RBM20: variants seen among roughly 807,000 people sequenced by gnomAD.
RBM20 encodes RNA-binding protein 20.
In RBM20, 51 loss-of-function variants were observed where a neutral mutation model predicts 110.1. The ratio of observed to expected loss-of-function variants is 0.46; its 90% confidence interval spans 0.37 to 0.59. The LOEUF is 0.59. RBM20 is among the 20% of genes least tolerant of loss of function. The probability of loss-of-function intolerance (pLI) is 0.00; values close to 1 mark genes in which losing one functional copy is unlikely to be tolerated. For synonymous variants in RBM20, 589 were observed against 618.2 expected (o/e 0.95, Z 0.70); for missense variants, 1,512 against 1,574.9 (o/e 0.96, Z 0.68).
chr10:110,765,034 A>G (rs1436944588), intron 1 of RBM20, among the ~76,000 whole-genome samples: 1 of 151,936 alleles, frequency 6.6e-6, no homozygotes, highest in Admixed American at 6.5e-5. Flanking sequence ...GCAGTTTAAC[A>G]TGTGACCTAA....
chr10:110,684,394 AAAAAC>A (rs369390447), intron 1 of RBM20, among the ~76,000 whole-genome samples: 3,635 of 150,844 alleles, frequency 0.024, 120 homozygotes, highest in African/African-American at 0.077. Flanking sequence ...ACTCCATCTT[AAAAAC>A]AAAACAAAAC....
intron 9 of RBM20, 42 bp downstream of exon 9, chr10:110,812,989 T>A (rs766906878): frequency 5.3e-5 from 68 of 1,291,076 alleles, no homozygotes; most frequent in Non-Finnish European, 6.6e-5. Context: ...AGGCAGGCCC[T>A]GAAGGAGAAT....
chr10:110,758,014 C>CTTTGTTTTTTTTT (rs1843943237), intron 1 of RBM20, among the ~76,000 whole-genome samples: 1 of 79,910 alleles, frequency 1.3e-5, no homozygotes, highest in Non-Finnish European at 2.2e-5. Flanking sequence ...GATCCTTGTT[C>CTTTGTTTTTTTTT]TTTTTTTTTT....
At chr10:110,776,630 C>T (rs12573236) in intron 1 of RBM20, among the ~76,000 whole-genome samples, 45,545 of 152,056 alleles carry the variant, frequency 0.3, 7,022 homozygotes, top group East Asian at 0.45. Context: ...CTCCTGCTTC[C>T]GTCTTAGAAG....
At chr10:110,737,177 C>CAAAAAAAAAAAAA (rs550138775) in intron 1 of RBM20, among the ~76,000 whole-genome samples, 32 of 26,600 alleles carry the variant, frequency 1.2e-3, no homozygotes, top group African/African-American at 5.0e-3. Flanking sequence ...AACTCTGCCT[C>CAAAAAAAAAAAAA]AAAAAAAAAA....
chr10:110,801,575 AC>A (rs1477411844), intron 7 of RBM20, among the ~76,000 whole-genome samples: 1 of 151,932 alleles, frequency 6.6e-6, no homozygotes, highest in African/African-American at 2.4e-5. Context: ...TTGCTCTGTC[AC>A]CAGGCTGGAG....
chr10:110,790,943 G>A (rs1017104390), intron 5 of RBM20, among the ~76,000 whole-genome samples: 6 of 152,056 alleles, frequency 3.9e-5, no homozygotes, highest in East Asian at 1.9e-4. Flanking sequence ...CAATTTTAAC[G>A]TTTTGTGACT....
chr10:110,727,124 G>A (rs540442518), intron 1 of RBM20, among the ~76,000 whole-genome samples: 2 of 142,682 alleles, frequency 1.4e-5, no homozygotes, highest in South Asian at 2.2e-4. Flanking sequence ...GATTACAGGC[G>A]TGAGTCACTG....
At chr10:110,806,936 A>C (rs1036503555) in intron 7 of RBM20, among the ~76,000 whole-genome samples, 1 of 152,206 alleles carries the variant, frequency 6.6e-6, no homozygotes, top group African/African-American at 2.4e-5. Flanking sequence ...CAATTCTCTT[A>C]TTTGAAAATC....
At chr10:110,748,180 T>C (rs577257271) in intron 1 of RBM20, among the ~76,000 whole-genome samples, 2 of 152,326 alleles carry the variant, frequency 1.3e-5, no homozygotes, top group Admixed American at 1.3e-4. Flanking sequence ...CGAAAAGGCA[T>C]TTCCTGAGAT....
In RBM20 at chr10:110,784,720, G is replaced by A. The variant is rs545110572; in HGVS notation, c.1430-72G>A. On this transcript the variant is annotated intron_variant, in intron 4 of 13. Coordinates refer to ENST00000369519, the MANE Select transcript of RBM20 (RefSeq NM_001134363.3). ...GGGAAAGGTTCAGTTTTCTATGCCT[G>A]CTTATGTCCTAATAATGACTTTTGA... 11 of 992,084 alleles carry A rather than the reference G, an allele frequency of 1.1e-5. No individual in the cohort carries two copies. In the African/African-American group the frequency reaches 1.3e-4, roughly 12 times the overall value. The allele number at this position is 992,084 out of a possible 1,614,324, so 61.5% of individuals were successfully genotyped here.
intron 1 of RBM20, among the ~76,000 whole-genome samples, chr10:110,685,956 A>G (rs1462147274): frequency 6.6e-6 from 1 of 152,246 alleles, no homozygotes; most frequent in Non-Finnish European, 1.5e-5. Flanking sequence ...TTAAATCCTC[A>G]CAGGTATTTA....
chr10:110,776,465 G>A (rs1307038961), intron 1 of RBM20, among the ~76,000 whole-genome samples: 1 of 152,200 alleles, frequency 6.6e-6, no homozygotes, highest in African/African-American at 2.4e-5. Context: ...GGCTCTAAGG[G>A]ACAATCTGTT....
chr10:110,804,733 C>T (rs1844673845), intron 7 of RBM20, among the ~76,000 whole-genome samples: 1 of 152,174 alleles, frequency 6.6e-6, no homozygotes, highest in Non-Finnish European at 1.5e-5. Context: ...GGAATATATT[C>T]TGGGTTGTTC....
At chr10:110,795,390 C>T (rs929919394) in intron 5 of RBM20, among the ~76,000 whole-genome samples, 2 of 152,194 alleles carry the variant, frequency 1.3e-5, no homozygotes, top group Non-Finnish European at 2.9e-5. Context: ...AATCCTTGCT[C>T]CCCTTTGGGA....
At chr10:110,693,990 A>G (rs1412465480) in intron 1 of RBM20, among the ~76,000 whole-genome samples, 2 of 152,164 alleles carry the variant, frequency 1.3e-5, no homozygotes, top group Admixed American at 6.5e-5. Context: ...AAATTTCTCC[A>G]TTTTCTTATC....
intron 1 of RBM20, among the ~76,000 whole-genome samples, chr10:110,663,529 G>T (rs1862135750): frequency 6.6e-6 from 1 of 152,216 alleles, no homozygotes; most frequent in South Asian, 2.1e-4. Context: ...TTACCTGTAT[G>T]TGTAGGTAGG....
chr10:110,721,388 G>T (rs1843503023), intron 1 of RBM20, among the ~76,000 whole-genome samples: 1 of 152,146 alleles, frequency 6.6e-6, no homozygotes, highest in African/African-American at 2.4e-5. Flanking sequence ...TAGAACCTTG[G>T]CTACCTTCCC....
chr10:110,701,433 C>T (rs75379819), intron 1 of RBM20, among the ~76,000 whole-genome samples: 6,527 of 152,188 alleles, frequency 0.043, 202 homozygotes, highest in Middle Eastern at 0.099. Context: ...CAGCCTGGAC[C>T]ACGGGGAACA....
Sources: allele counts gnomAD v4.1 joint callset (sites outside exome capture counted in the v4.1 genomes callset), GRCh38; gene constraint gnomAD v4.1.1; transcripts MANE v1.5; gene names NCBI Gene and HGNC (gene_info 2026-07-23, HGNC 2026-07-21).